The following UNC13C variants were observed in gnomAD, a reference collection of about 807,000 sequenced individuals.
UNC13C encodes the protein protein unc-13 homolog C.
In UNC13C, 174 loss-of-function variants were observed where a neutral mutation model predicts 245.4. The ratio of observed to expected loss-of-function variants is 0.71; its 90% CI spans 0.63 to 0.80. The LOEUF (loss-of-function observed/expected upper bound fraction) is 0.80. Among genes scored for constraint, UNC13C ranks in the 30% least tolerant of loss-of-function variants. The pLI is 0.00. For synonymous variants in UNC13C, 992 were observed against 895.1 expected (o/e 1.11, Z -1.93); for missense variants, 2,829 against 2,602.9 (o/e 1.09, Z -1.89).
the UNC13C span, among the ~76,000 whole-genome samples, chr15:53,893,455 G>C: frequency 6.6e-6 from 1 of 152,338 alleles, no homozygotes; most frequent in East Asian, 1.9e-4. Flanking sequence ...TGCACCCATA[G>C]CCACCCCTTC....
chr15:53,953,666 T>A, the UNC13C span, among the ~76,000 whole-genome samples: 1 of 152,216 alleles, frequency 6.6e-6, no homozygotes. Flanking sequence ...AACCTGCATG[T>A]CCAACAGCCT....
At position 54,423,158 on chromosome 15, in the gene UNC13C, A is replaced by G. The variant is rs2040687436; in HGVS notation, c.4933+8091A>G. Among the ~76,000 whole-genome samples the G allele has an allele frequency of 2.0e-5, 3 of 151,694 alleles. No homozygotes were observed. In the South Asian group the frequency reaches 6.2e-4, roughly 31 times the overall value. ...CATATTGCATATAATTTATGTATAT[A>G]TATTTAAATTCTGGTCATAACCCTC... On this transcript the variant is annotated intron_variant, in intron 19 of 32. Coordinates refer to ENST00000260323, the MANE Select transcript of UNC13C (RefSeq NM_001080534.3).
In UNC13C at chr15:54,627,344, C is replaced by A; in HGVS notation, c.*231C>A. ...ATGTAAAGTGAAATATCAAGAACAC[C>A]TTTTAACATGTTTATTTTGTTTCTT... On this transcript the variant is annotated 3_prime_UTR_variant, in exon 33 of 33. Transcript: ENST00000260323. The A allele has an allele frequency of 5.4e-6, 2 of 372,228 alleles. No homozygotes were observed. Among genetic ancestry groups the A allele is most frequent in the Non-Finnish European group, 9.7e-6 (2 of 206,600 alleles). The allele number at this position is 372,228 out of a possible 1,614,324, so 23.1% of individuals were successfully genotyped here.
chr15:54,015,658 G>T lies in UNC13C; in HGVS notation c.2755G>T (p.Asp919Tyr). 1.2e-6 allele frequency: 2 copies of T among 1,613,722 alleles called. No individual in the cohort carries two copies. The highest frequency in any genetic ancestry group is 4.5e-5 in the East Asian group (2 of 44,856). Residue 919 changes from aspartate (D) to tyrosine (Y), a missense_variant, in exon 2 of 33, where the codon GAT becomes TAT. Transcript: ENST00000260323. The stretch of plus-strand genomic sequence containing the variant: ...TGAAACACCTTATGAAACCCCACAA[G>T]ATGAGGGTTATGATGGTCCAGCAGA... ...SYETPYETPQ[D>Y]EGYDGPADDM...
chr15:54,371,780 C>T (rs1188564925), intron 17 of UNC13C, among the ~76,000 whole-genome samples: 3 of 151,946 alleles, frequency 2.0e-5, no homozygotes, highest in African/African-American at 7.3e-5. Context: ...GAGGGAAATC[C>T]TGTCATTTGT....
chr15:54,099,198 C>G (rs1430169264), intron 2 of UNC13C, among the ~76,000 whole-genome samples: 1 of 152,206 alleles, frequency 6.6e-6, no homozygotes, highest in South Asian at 2.1e-4. Context: ...CCCAGCTTCT[C>G]TGTGCCTAAG....
At chr15:54,632,930 T>A (rs1290824686), downstream of UNC13C, 1 of 151,774 alleles carries the variant, frequency 6.6e-6, no homozygotes, top group Non-Finnish European at 1.5e-5. Flanking sequence ...CTTTGGGAGG[T>A]CAAGGCAGGC....
At chr15:53,859,374 G>C in the UNC13C span, among the ~76,000 whole-genome samples, 1 of 151,992 alleles carries the variant, frequency 6.6e-6, no homozygotes, top group Non-Finnish European at 1.5e-5. Flanking sequence ...ACCATTTCCA[G>C]ATTTTAAAAT....
At chr15:53,976,408 AT>A (rs1893696347), upstream of UNC13C, among the ~76,000 whole-genome samples, 1 of 138,702 alleles carries the variant, frequency 7.2e-6, no homozygotes, top group Admixed American at 7.4e-5. Context: ...TTAGAGCAAT[AT>A]TTTCAAACTT....
chr15:54,146,990 T>C (rs1267925390), intron 4 of UNC13C, among the ~76,000 whole-genome samples: 1 of 152,180 alleles, frequency 6.6e-6, no homozygotes, highest in African/African-American at 2.4e-5. Flanking sequence ...GATGAGTCTT[T>C]CATTGGGTAC....
intron 32 of UNC13C, among the ~76,000 whole-genome samples, chr15:54,625,324 A>C (rs2141318889): frequency 1.3e-5 from 2 of 150,664 alleles, no homozygotes; most frequent in Non-Finnish European, 2.9e-5. Flanking sequence ...TATTGCAAAC[A>C]GCATTCTATT....
chr15:54,296,165 C>G (rs1166258364), intron 11 of UNC13C, among the ~76,000 whole-genome samples: 1 of 152,048 alleles, frequency 6.6e-6, no homozygotes, highest in Non-Finnish European at 1.5e-5. Flanking sequence ...CTAGGTCTTG[C>G]ATTTCTCTTG....
At chr15:54,211,153 T>C (rs1468327068) in intron 4 of UNC13C, among the ~76,000 whole-genome samples, 2 of 152,142 alleles carry the variant, frequency 1.3e-5, no homozygotes, top group African/African-American at 2.4e-5. Flanking sequence ...GAGCACTGAA[T>C]TGAAGTCATC....
the UNC13C span, among the ~76,000 whole-genome samples, chr15:53,875,438 G>A: frequency 6.6e-6 from 1 of 152,134 alleles, no homozygotes; most frequent in Non-Finnish European, 1.5e-5. Flanking sequence ...ATTTTAGCTT[G>A]CCTGCCTAGA....
chr15:54,486,498 T>C (rs572825782), intron 19 of UNC13C, among the ~76,000 whole-genome samples: 2 of 151,850 alleles, frequency 1.3e-5, no homozygotes, highest in South Asian at 4.2e-4. Context: ...ACCTGGTTCA[T>C]AGTAGAATAG....
intron 14 of UNC13C, among the ~76,000 whole-genome samples, chr15:54,324,258 G>GT: frequency 6.6e-6 from 1 of 151,934 alleles, no homozygotes; most frequent in Non-Finnish European, 1.5e-5. Context: ...TCACCTAACT[G>GT]TTAAAGCTGA....
chr15:54,297,992 G>A (rs2037480837), intron 12 of UNC13C, 66 bp downstream of exon 12: 1 of 1,136,644 alleles, frequency 8.8e-7, no homozygotes, highest in Admixed American at 2.4e-5. Flanking sequence ...TTATAAAACA[G>A]AATATTTGGT....
At chr15:54,058,058 A>T (rs1595783842) in intron 2 of UNC13C, among the ~76,000 whole-genome samples, 1 of 152,172 alleles carries the variant, frequency 6.6e-6, no homozygotes, top group Admixed American at 6.5e-5. Flanking sequence ...AGAAGTAGAG[A>T]ACCAAGAGCA....
intron 2 of UNC13C, among the ~76,000 whole-genome samples, chr15:54,016,997 A>G (rs1201278443): frequency 2.6e-5 from 4 of 152,218 alleles, no homozygotes; most frequent in African/African-American, 9.6e-5. Context: ...GCTGTGATCA[A>G]ACTCCCCTAA....
Sources: allele counts gnomAD v4.1 joint callset (sites outside exome capture counted in the v4.1 genomes callset), GRCh38; gene constraint gnomAD v4.1.1; transcripts MANE v1.5; gene names NCBI Gene and HGNC (gene_info 2026-07-23, HGNC 2026-07-21).